Variants in ELOVL7 observed in about 807,000 individuals in gnomAD.
ELOVL7 encodes very long chain fatty acid elongase 7.
A neutral mutation model predicts 35.7 loss-of-function variants in ELOVL7; 27 were observed. That is an observed-to-expected ratio of 0.76 (90% CI 0.56 to 1.04). The LOEUF (loss-of-function observed/expected upper bound fraction) is 1.04, where lower values mean the gene tolerates loss of function less well. Among genes scored for constraint, ELOVL7 ranks in the 50% least tolerant of loss-of-function variants. The pLI is 0.00. For synonymous variants in ELOVL7, 113 were observed against 114.6 expected, an observed-to-expected ratio of 0.99 and a Z score of 0.09; for missense variants, 327 against 340.8, an observed-to-expected ratio of 0.96 and a Z score of 0.32.
chr5:60,842,056 T>C (rs1271818219), intron 1 of ELOVL7, among the ~76,000 whole-genome samples: 1 of 152,234 alleles, frequency 6.6e-6, no homozygotes, highest in Non-Finnish European at 1.5e-5. Context: ...AAGCAACTAC[T>C]AGCTGTAAGG....
chr5:60,807,072 C>G (rs961543026), intron 1 of ELOVL7, among the ~76,000 whole-genome samples: 3 of 152,120 alleles, frequency 2.0e-5, no homozygotes, highest in Non-Finnish European at 4.4e-5. Flanking sequence ...GGCCTCTTCC[C>G]CCAGCTGCAC....
At chr5:60,791,482 C>G (rs1047028481) in intron 2 of ELOVL7, among the ~76,000 whole-genome samples, 5 of 152,162 alleles carry the variant, frequency 3.3e-5, no homozygotes, top group Admixed American at 6.5e-5. Flanking sequence ...CAGCATCACA[C>G]ACTATACCCT....
chr5:60,837,315 T>TGGGGGGGGGGGGGGGGG (rs1227317155), intron 1 of ELOVL7, among the ~76,000 whole-genome samples: 5 of 24,508 alleles, frequency 2.0e-4, no homozygotes, highest in African/African-American at 3.5e-4. Flanking sequence ...GGCGGGGGGG[T>TGGGGGGGGGGGGGGGGG]GGGGGGGGAG....
At chr5:60,795,857 C>T (rs912912412) in intron 2 of ELOVL7, among the ~76,000 whole-genome samples, 14 of 152,212 alleles carry the variant, frequency 9.2e-5, no homozygotes, top group Non-Finnish European at 1.6e-4. Flanking sequence ...AGAGCTGTAA[C>T]ACTCACCGCA....
chr5:60,823,617 T>C (rs374288907), intron 1 of ELOVL7, among the ~76,000 whole-genome samples: 25 of 152,310 alleles, frequency 1.6e-4, no homozygotes, highest in African/African-American at 5.8e-4. Context: ...TGCCAAGGGT[T>C]TATAAAACGG....
intron 7 of ELOVL7, among the ~76,000 whole-genome samples, chr5:60,760,887 C>T (rs764517543): frequency 5.3e-5 from 8 of 152,034 alleles, no homozygotes; most frequent in Non-Finnish European, 1.2e-4. Context: ...CATTAAATAT[C>T]CTAAAATGAG....
At position 60,772,589 on chromosome 5, in the gene ELOVL7, C is replaced by G. The variant is rs150039015; in HGVS notation, c.65-496G>C. Among the ~76,000 whole-genome samples the G allele has an allele frequency of 2.5e-3, 374 of 152,314 alleles. 1 individual carries two copies. Among genetic ancestry groups the G allele is most frequent in the Middle Eastern group, 0.014 (4 of 294 alleles). On this transcript the variant is annotated intron_variant, in intron 3 of 8. Coordinates refer to ENST00000508821, the MANE Select transcript of ELOVL7 (RefSeq NM_024930.3). ...TTTGACTGTCAGTTGAGGGATTCAG[C>G]CAGCCCAAGACAATTCTGTAAGTAT... is the stretch of plus-strand genomic sequence containing the variant.
chr5:60,823,814 C>G (rs1746019444), intron 1 of ELOVL7, among the ~76,000 whole-genome samples: 1 of 152,188 alleles, frequency 6.6e-6, no homozygotes, highest in South Asian at 2.1e-4. Context: ...TCAGATTTAA[C>G]TGGTCTCTGT....
intron 2 of ELOVL7, among the ~76,000 whole-genome samples, chr5:60,789,484 G>A (rs956271651): frequency 3.9e-5 from 6 of 152,206 alleles, no homozygotes; most frequent in African/African-American, 1.4e-4. Flanking sequence ...TGGCAGGAGT[G>A]TGGGAAATTC....
chr5:60,791,295 T>C (rs987801076), intron 2 of ELOVL7, among the ~76,000 whole-genome samples: 2 of 152,044 alleles, frequency 1.3e-5, no homozygotes, highest in South Asian at 2.1e-4. Context: ...CCATTTATCA[T>C]TTAGAGAGAG....
At chr5:60,784,980 T>C (rs933351391) in intron 3 of ELOVL7, among the ~76,000 whole-genome samples, 3 of 152,216 alleles carry the variant, frequency 2.0e-5, no homozygotes, top group Admixed American at 6.5e-5. Flanking sequence ...AGCAGAGCAC[T>C]TTCATGTATG....
At position 60,772,008 on chromosome 5, in the gene ELOVL7, G is replaced by A. The variant is rs1742624664; in HGVS notation, c.150C>T (p.Ser50=). 6.2e-7 allele frequency: 1 copy of A among 1,613,870 alleles called. No homozygotes were observed. Among genetic ancestry groups the A allele is most frequent in the South Asian group, 1.1e-5 (1 of 91,066 alleles). ...GATTTTCCATGAGCTTTGGTCCCAA[G>A]GAAGTGACAAAATAGACATAGAATC... ...LLGFYVYFVT[S]LGPKLMENRK... is the part of the protein sequence containing the mutation. The change falls in exon 4 of 9, where the codon TCC becomes TCT. Residue 50 remains serine (S), a synonymous_variant. Coordinates refer to ENST00000508821, the MANE Select transcript of ELOVL7 (RefSeq NM_024930.3).
chr5:60,773,758 A>G (rs1742740102), intron 3 of ELOVL7, among the ~76,000 whole-genome samples: 1 of 152,260 alleles, frequency 6.6e-6, no homozygotes, highest in Non-Finnish European at 1.5e-5. Flanking sequence ...TACAAACAAG[A>G]ATATTCCAAA....
At chr5:60,837,316 G>T (rs1393649514) in intron 1 of ELOVL7, among the ~76,000 whole-genome samples, 7 of 55,680 alleles carry the variant, frequency 1.3e-4, no homozygotes, top group Admixed American at 2.9e-4. Flanking sequence ...GCGGGGGGGT[G>T]GGGGGGGAGT....
intron 1 of ELOVL7, among the ~76,000 whole-genome samples, chr5:60,816,380 CA>C (rs5868256): frequency 0.78 from 109,083 of 140,386 alleles, 41,812 homozygotes; most frequent in East Asian, 0.9. Context: ...GACTCCATCT[CA>C]AAAAAAAAAA....
At chr5:60,839,937 C>T (rs1747062977) in intron 1 of ELOVL7, among the ~76,000 whole-genome samples, 1 of 151,552 alleles carries the variant, frequency 6.6e-6, no homozygotes, top group Non-Finnish European at 1.5e-5. Flanking sequence ...GGGATTGAGG[C>T]TGCGGAAAGC....
chr5:60,842,830 T>C (rs752786477), intron 1 of ELOVL7, among the ~76,000 whole-genome samples: 5 of 151,840 alleles, frequency 3.3e-5, no homozygotes, highest in Non-Finnish European at 7.4e-5. Context: ...CCCAGGATCG[T>C]TGTGAAGATT....
chr5:60,779,405 T>A (rs1057301107), intron 3 of ELOVL7, among the ~76,000 whole-genome samples: 2 of 152,156 alleles, frequency 1.3e-5, no homozygotes, highest in Non-Finnish European at 2.9e-5. Context: ...TTTCAATACA[T>A]CCTCTGAAAT....
intron 7 of ELOVL7, among the ~76,000 whole-genome samples, chr5:60,759,551 C>G (rs922504272): frequency 6.6e-6 from 1 of 151,582 alleles, no homozygotes; most frequent in Non-Finnish European, 1.5e-5. Flanking sequence ...GGAACTATGT[C>G]AGAGCTTTTC....
Sources: allele counts gnomAD v4.1 joint callset (sites outside exome capture counted in the v4.1 genomes callset), GRCh38; gene constraint gnomAD v4.1.1; transcripts MANE v1.5; gene names NCBI Gene and HGNC (gene_info 2026-07-23, HGNC 2026-07-21).